NDFIP2: variants seen among roughly 807,000 people sequenced by gnomAD.
NDFIP2 encodes the protein Nedd4 family interacting protein 2.
NDFIP2 carries 19 observed loss-of-function variants against 36.0 expected under a neutral mutation model. That is an observed-to-expected ratio of 0.53 (90% CI 0.37 to 0.77). The LOEUF (loss-of-function observed/expected upper bound fraction) is 0.77, where lower values mean the gene tolerates loss of function less well. Among genes scored for constraint, NDFIP2 ranks in the 30% least tolerant of loss-of-function variants. NDFIP2 has a pLI of 0.00. For missense variants in NDFIP2, 446 were observed against 435.8 expected, an observed-to-expected ratio of 1.02 and a Z score of -0.21; for synonymous variants, 181 against 167.7, an observed-to-expected ratio of 1.08 and a Z score of -0.61.
At chr13:79,502,025 C>A (rs1351730900) in intron 1 of NDFIP2, among the ~76,000 whole-genome samples, 1 of 152,044 alleles carries the variant, frequency 6.6e-6, no homozygotes, top group Admixed American at 6.6e-5. Context: ...GGGATTTGCA[C>A]CTATTTCCCG....
intron 3 of NDFIP2, among the ~76,000 whole-genome samples, chr13:79,534,400 AATG>A (rs1273344606): frequency 1.7e-5 from 2 of 117,870 alleles, no homozygotes; most frequent in African/African-American, 6.5e-5. Context: ...AGAATTTTGG[AATG>A]ATGATCAAGC....
At chr13:79,535,006 A>G (rs1875176618) in intron 3 of NDFIP2, among the ~76,000 whole-genome samples, 1 of 152,184 alleles carries the variant, frequency 6.6e-6, no homozygotes, top group African/African-American at 2.4e-5. Flanking sequence ...ACAGAGGAGG[A>G]AAGTAAGTCT....
chr13:79,543,674 A>G lies in NDFIP2; in HGVS notation c.832A>G (p.Ile278Val). Residue 278 changes from isoleucine to valine, a missense_variant, in exon 5 of 8, where the codon ATT becomes GTT. Ile to Val is a conservative substitution (Grantham distance 29). This residue lies in a region of NDFIP2 where 77 missense variants were observed against 131.0 expected (regional missense o/e 0.59). Coordinates refer to ENST00000218652, the MANE Select transcript of NDFIP2 (RefSeq NM_019080.3). ...CCTTTCCTTGATCAAATGGATCCTT[A>G]TTGTCAGGGTGAGTGTCTTGATAGC... ...FGLSLIKWIL[I>V]VRFSDYFTGY... 1 of 1,613,576 alleles carries G rather than the reference A, an allele frequency of 6.2e-7. No homozygotes were observed. The highest frequency in any genetic ancestry group is 8.5e-7 in the Non-Finnish European group (1 of 1,179,762).
rs1873259786 is a variant in NDFIP2 at position 79,492,356 on chromosome 13, CTT to C, written c.321+10836_321+10837del. On this transcript the variant is annotated intron_variant, in intron 1 of 7. Coordinates refer to ENST00000218652, the MANE Select transcript of NDFIP2 (RefSeq NM_019080.3). ...GAGAGCTTTCATCTATATCAGATGA[CTT>C]TTTGTGTGATTTCTGTCAAAAGGGA... Among the ~76,000 whole-genome samples the C allele has an allele frequency of 2.0e-5, 3 of 149,314 alleles. No individual in the cohort carries two copies. The Admixed American group carries it at 2.0e-4, about 10-fold the overall frequency.
intron 3 of NDFIP2, among the ~76,000 whole-genome samples, chr13:79,537,992 G>A (rs1035387008): frequency 2.0e-5 from 3 of 152,140 alleles, no homozygotes; most frequent in South Asian, 2.1e-4. Flanking sequence ...CGATTGTGGC[G>A]GAAGGTGAGG....
chr13:79,487,719 T>G (rs557563511), intron 1 of NDFIP2, among the ~76,000 whole-genome samples: 37 of 152,274 alleles, frequency 2.4e-4, no homozygotes, highest in Non-Finnish European at 2.6e-4. Context: ...TGTCAATCTT[T>G]TTAATTTTAA....
At chr13:79,546,595 T>A (rs186747029) in intron 5 of NDFIP2, among the ~76,000 whole-genome samples, 19 of 152,344 alleles carry the variant, frequency 1.2e-4, no homozygotes, top group African/African-American at 3.4e-4. Context: ...TTTTAAAACA[T>A]TTTTGCTAAC....
intron 6 of NDFIP2, among the ~76,000 whole-genome samples, chr13:79,549,821 G>GA (rs901542402): frequency 1.4e-4 from 21 of 152,018 alleles, no homozygotes; most frequent in African/African-American, 5.1e-4. Context: ...GGAAGGGCAT[G>GA]AGGGTGGAAT....
intron 1 of NDFIP2, among the ~76,000 whole-genome samples, chr13:79,491,247 G>C (rs1873215395): frequency 6.6e-6 from 1 of 152,106 alleles, no homozygotes; most frequent in Admixed American, 6.5e-5. Flanking sequence ...TGAATGAATG[G>C]TGCTAGTTCA....
At chr13:79,531,377 C>G (rs1232452253) in intron 2 of NDFIP2, among the ~76,000 whole-genome samples, 6 of 152,142 alleles carry the variant, frequency 3.9e-5, no homozygotes, top group Non-Finnish European at 7.4e-5. Flanking sequence ...ACTTAAAGTT[C>G]CCAGCTGAAT....
chr13:79,523,878 T>C (rs571969402), intron 2 of NDFIP2, among the ~76,000 whole-genome samples: 3 of 152,318 alleles, frequency 2.0e-5, no homozygotes, highest in South Asian at 2.1e-4. Flanking sequence ...TCCTTGATAG[T>C]TGGAGGTTAT....
chr13:79,554,334 C>T lies in NDFIP2; in HGVS notation c.*1821C>T, dbSNP rs761137761. 38 of 151,664 alleles carry T rather than the reference C, an allele frequency of 2.5e-4. No homozygotes were observed. Among genetic ancestry groups the T allele is most frequent in the Admixed American group, 1.3e-4 (2 of 15,190 alleles). The allele number at this position is 151,664 out of a possible 1,614,324, so 9.4% of individuals were successfully genotyped here. A position where few individuals can be genotyped will look rare whatever the true frequency, so the allele number is the denominator to read the frequency against. On this transcript the variant is annotated 3_prime_UTR_variant, in exon 8 of 8. Transcript: ENST00000218652. ...TCTTTCATATTAATTTCTTATAGAC[C>T]TGTACTTTATTCTTTCAATAATTTT...
rs367710736 is a variant in NDFIP2 at position 79,552,138 on chromosome 13, TC to T, written c.*3-377del. On this transcript the variant is annotated intron_variant, in intron 7 of 7. Coordinates refer to ENST00000218652, the MANE Select transcript of NDFIP2 (RefSeq NM_019080.3). ...CATGTTAAAGTATCATTTTAAGTGTTCTACTAAAGTCTCCCCCAACCACTCC... is the reference window on the plus strand; with the variant it reads ...CATGTTAAAGTATCATTTTAAGTGTTTACTAAAGTCTCCCCCAACCACTCC... Among the ~76,000 whole-genome samples the T allele has an allele frequency of 3.7e-4, 56 of 151,492 alleles. 1 individual carries two copies. In the East Asian group the frequency reaches 9.3e-3, roughly 25 times the overall value.
intron 1 of NDFIP2, among the ~76,000 whole-genome samples, chr13:79,492,829 AC>A (rs1268435471): frequency 3.3e-5 from 5 of 151,938 alleles, no homozygotes; most frequent in Non-Finnish European, 7.4e-5. Context: ...CTCTATCACC[AC>A]CCCAAATCAT....
chr13:79,542,135 A>G (rs953015344), intron 4 of NDFIP2, among the ~76,000 whole-genome samples: 4 of 152,322 alleles, frequency 2.6e-5, no homozygotes, highest in Admixed American at 6.5e-5. Flanking sequence ...TTGACAGTCT[A>G]TGGAAATGAC....
chr13:79,515,173 G>A (rs1874238844), intron 1 of NDFIP2, among the ~76,000 whole-genome samples: 1 of 152,158 alleles, frequency 6.6e-6, no homozygotes, highest in Admixed American at 6.5e-5. Context: ...ACAATGGTGA[G>A]TATTTGTATA....
chr13:79,482,910 A>AG (rs1363296720), intron 1 of NDFIP2, among the ~76,000 whole-genome samples: 1 of 152,184 alleles, frequency 6.6e-6, no homozygotes, highest in Non-Finnish European at 1.5e-5. Flanking sequence ...ATGGTTTGAA[A>AG]GGCATTTCTA....
chr13:79,516,865 CA>C (rs1485333098), intron 1 of NDFIP2, among the ~76,000 whole-genome samples: 1 of 152,068 alleles, frequency 6.6e-6, no homozygotes, highest in Non-Finnish European at 1.5e-5. Context: ...TCTAGCTTCT[CA>C]AAAGGAAAGC....
intron 1 of NDFIP2, among the ~76,000 whole-genome samples, chr13:79,494,287 T>A (rs2140737130): frequency 6.6e-6 from 1 of 152,230 alleles, no homozygotes; most frequent in African/African-American, 2.4e-5. Context: ...TCAGAATTAC[T>A]GTGAGCATTA....
Sources: gnomAD v4.1 joint callset for allele counts (sites outside exome capture counted in the v4.1 genomes callset) on GRCh38, gnomAD v4.1.1 for gene constraint, gnomAD v4.1.1 regional missense constraint, MANE v1.5 for transcripts, NCBI Gene and HGNC (gene_info 2026-07-23, HGNC 2026-07-21) for gene names.